Variants in ADAMTS17 observed in about 807,000 individuals in gnomAD.
ADAMTS17 encodes ADAM metallopeptidase with thrombospondin type 1 motif 17.
A neutral mutation model predicts 141.5 loss-of-function variants in ADAMTS17; 113 were observed. The ratio of observed to expected loss-of-function variants is 0.80; its 90% CI spans 0.69 to 0.93. ADAMTS17 has a LOEUF of 0.93. ADAMTS17 is among the 40% of genes least tolerant of loss of function. ADAMTS17 has a pLI of 0.00. For missense variants in ADAMTS17, 1,659 were observed against 1,517.9 expected (o/e 1.09, Z -1.54); for synonymous variants, 768 against 630.6 (o/e 1.22, Z -3.27).
intron 18 of ADAMTS17, among the ~76,000 whole-genome samples, chr15:100,041,356 C>T (rs2031237173): frequency 6.6e-6 from 1 of 152,238 alleles, no homozygotes; most frequent in African/African-American, 2.4e-5. Context: ...CTTGGAATGG[C>T]CTTTTTCAAG....
At position 99,997,444 on chromosome 15, in the gene ADAMTS17, C is replaced by G; in HGVS notation, c.2737G>C (p.Val913Leu). Residue 913 changes from valine to leucine, a missense_variant, in exon 19 of 22, where the codon GTG (valine) becomes CTG (leucine). Transcript: ENST00000268070. This position sits in a 1 kb window ranked among gnomAD's most constrained non-coding sequence, Gnocchi z 4.7. ...LYCPGPRPAAVQSCEGQDCLS... is the reference protein window; with the variant it reads ...LYCPGPRPAALQSCEGQDCLS... ...CAGTCCTGGCCTTCACAGCTCTGCA[C>G]TGCCGCCGGCCGGGGGCCCGGGCAG... 1 of 1,613,692 alleles carries G rather than the reference C, an allele frequency of 6.2e-7. No individual in the cohort carries two copies. The highest frequency in any genetic ancestry group is 8.5e-7 in the Non-Finnish European group (1 of 1,179,994).
rs185326812 is a variant in ADAMTS17 at position 100,003,465 on chromosome 15, G to A, written c.2592-5876C>T. Among the ~76,000 whole-genome samples the A allele has an allele frequency of 2.6e-3, 390 of 152,184 alleles. 1 individual carries two copies. Among genetic ancestry groups the A allele is most frequent in the Non-Finnish European group, 3.4e-3 (232 of 68,036 alleles). ...TCAGCAGGGTTGGCCGCGAGTAAGC[G>A]AGGCCACTGTATCCTGTTTTACTCA... On this transcript the variant is annotated intron_variant, in intron 18 of 21. Coordinates refer to ENST00000268070, the MANE Select transcript of ADAMTS17 (RefSeq NM_139057.4).
chr15:100,180,942 T>C lies in ADAMTS17; in HGVS notation c.1181+18376A>G, dbSNP rs145185954. On this transcript the variant is annotated intron_variant, in intron 8 of 21. Transcript: ENST00000268070. Reference sequence around the variant, plus strand: ...AGGCCCCAGGTGGATCCAGAGACACTGTCCAAGAGCCAGGCACTGGAGTCA... The same window carrying C: ...AGGCCCCAGGTGGATCCAGAGACACCGTCCAAGAGCCAGGCACTGGAGTCA... Among the ~76,000 whole-genome samples, 746 of 152,302 alleles carry C rather than the reference T, an allele frequency of 4.9e-3. 5 individuals carry two copies. Among genetic ancestry groups the C allele is most frequent in the African/African-American group, 0.017 (691 of 41,570 alleles).
chr15:100,054,242 G>A (rs1195997232), intron 15 of ADAMTS17, among the ~76,000 whole-genome samples, 188 bp from the exon 16 acceptor site: 1 of 152,182 alleles, frequency 6.6e-6, no homozygotes, highest in Non-Finnish European at 1.5e-5. Flanking sequence ...ATCGCAGGGA[G>A]CACGGAGATG....
chr15:100,253,990 G>C (rs763391844), intron 7 of ADAMTS17, 146 bp downstream of exon 7: 31 of 751,986 alleles, frequency 4.1e-5, no homozygotes, highest in Non-Finnish European at 6.4e-5. Flanking sequence ...ATAAAAAAAG[G>C]AAAGTCAAAG....
chr15:100,188,290 T>C (rs2040793719), intron 8 of ADAMTS17, among the ~76,000 whole-genome samples: 1 of 151,954 alleles, frequency 6.6e-6, no homozygotes, highest in South Asian at 2.1e-4. Flanking sequence ...TTGGTCAGGC[T>C]GGTCTCAAAC....
intron 18 of ADAMTS17, among the ~76,000 whole-genome samples, chr15:100,005,149 C>A (rs898848639): frequency 6.6e-6 from 1 of 152,230 alleles, no homozygotes; most frequent in African/African-American, 2.4e-5. Flanking sequence ...TCCTTTCCTG[C>A]CTAGCACTGA....
At chr15:100,199,496 G>T in intron 7 of ADAMTS17, 73 bp from the exon 8 acceptor site, 1 of 1,252,062 alleles carries the variant, frequency 8.0e-7, no homozygotes, top group Non-Finnish European at 1.2e-6. Context: ...AGTCCGCACG[G>T]TCAACGTCAT....
rs1160969678 is a variant in ADAMTS17 at position 100,102,450 on chromosome 15, AAAGGGGATCTACATTTGAGGGCCAACTG to A, written c.2017-6002_2017-5975del. 4.2e-4 allele frequency among the ~76,000 whole-genome samples: 9 copies of A among 21,588 alleles called. 1 individual carries two copies. The highest frequency in any genetic ancestry group is 2.4e-3 in the East Asian group (2 of 844). The allele number at this position is 21,588 out of a possible 152,430, so 14.2% of individuals were successfully genotyped here. A position where few individuals can be genotyped will look rare whatever the true frequency, so the allele number is the denominator to read the frequency against. ...GGGGATCTACATTTGAGGGCCGACC[AAAGGGGATCTACATTTGAGGGCCAACTG>A]AAGGGGATCTACATTTGAGGGCCGA... is the stretch of plus-strand genomic sequence containing the variant. On this transcript the variant is annotated intron_variant, in intron 14 of 21. Transcript: ENST00000268070.
chr15:100,316,209 C>CT (rs1288542114), intron 3 of ADAMTS17, among the ~76,000 whole-genome samples: 9 of 152,186 alleles, frequency 5.9e-5, no homozygotes, highest in Non-Finnish European at 1.2e-4. Context: ...GGATGCCCTC[C>CT]TGAGGTACCA....
At chr15:100,201,882 A>G (rs2035347) in intron 7 of ADAMTS17, among the ~76,000 whole-genome samples, 38,868 of 152,114 alleles carry the variant, frequency 0.26, 5,348 homozygotes, top group East Asian at 0.39. Flanking sequence ...CAGTGAGTAG[A>G]TGGAATACTG....
intron 7 of ADAMTS17, among the ~76,000 whole-genome samples, chr15:100,216,943 C>T (rs2041987317): frequency 6.6e-6 from 1 of 152,188 alleles, no homozygotes; most frequent in Non-Finnish European, 1.5e-5. Flanking sequence ...AGGGTGCCTT[C>T]CTGCTCTAGA....
At chr15:100,254,914 G>C (rs2043274389) in intron 6 of ADAMTS17, among the ~76,000 whole-genome samples, 1 of 152,124 alleles carries the variant, frequency 6.6e-6, no homozygotes, top group Non-Finnish European at 1.5e-5. Flanking sequence ...TAATACCTAG[G>C]TGACGGGTTG....
chr15:100,330,216 C>G (rs2046008736), intron 3 of ADAMTS17, among the ~76,000 whole-genome samples: 1 of 152,096 alleles, frequency 6.6e-6, no homozygotes, highest in South Asian at 2.1e-4. Flanking sequence ...TTTTAAAAAC[C>G]CTGGCACCCA....
At chr15:100,323,879 C>T (rs1047592761) in intron 3 of ADAMTS17, among the ~76,000 whole-genome samples, 14 of 151,830 alleles carry the variant, frequency 9.2e-5, no homozygotes, top group African/African-American at 3.4e-4. Flanking sequence ...ATCATAATCG[C>T]TATAAAAGTA....
At chr15:100,138,975 G>C (rs1359469992) in intron 10 of ADAMTS17, among the ~76,000 whole-genome samples, 2 of 152,192 alleles carry the variant, frequency 1.3e-5, no homozygotes, top group Non-Finnish European at 2.9e-5. Flanking sequence ...TAGGGGAAGA[G>C]ACTAGCTTGA....
intron 18 of ADAMTS17, among the ~76,000 whole-genome samples, chr15:100,006,652 C>A (rs1417763364): frequency 2.6e-5 from 4 of 152,200 alleles, no homozygotes; most frequent in Admixed American, 1.3e-4. Flanking sequence ...GTCCAGGGGT[C>A]CAGTGTTAAC....
At chr15:100,181,277 C>T (rs1438081417) in intron 8 of ADAMTS17, among the ~76,000 whole-genome samples, 1 of 152,164 alleles carries the variant, frequency 6.6e-6, no homozygotes, top group African/African-American at 2.4e-5. Flanking sequence ...AACTGGGGAC[C>T]CCAAGAGCCC....
Position 100,073,527 on chromosome 15 carries a change from T to C in ADAMTS17, c.2138-19473A>G, listed in dbSNP as rs1034428350. On this transcript the variant is annotated intron_variant, in intron 15 of 21. Transcript: ENST00000268070. ...TGGAACCAACCCAAATGTCCAATAATGATAGACTGGATTAAAAAAATGTGG... is the reference window on the plus strand; with the variant it reads ...TGGAACCAACCCAAATGTCCAATAACGATAGACTGGATTAAAAAAATGTGG... 4.0e-4 allele frequency among the ~76,000 whole-genome samples: 60 copies of C among 151,846 alleles called. 2 individuals carry two copies. Among genetic ancestry groups the C allele is most frequent in the Non-Finnish European group, 1.8e-4 (12 of 67,996 alleles).
Sources: allele counts gnomAD v4.1 joint callset (sites outside exome capture counted in the v4.1 genomes callset), GRCh38; gene constraint gnomAD v4.1.1; non-coding constraint Gnocchi (gnomAD v3.1); transcripts MANE v1.5; gene names NCBI Gene and HGNC (gene_info 2026-07-23, HGNC 2026-07-21).